SUCLG1: variants seen among roughly 807,000 people sequenced by gnomAD.
SUCLG1 encodes succinate-CoA ligase GDP/ADP-forming subunit alpha.
Under a neutral mutation model 37.3 loss-of-function variants are expected in SUCLG1, and 26 were observed. That is an observed-to-expected ratio of 0.70 (90% confidence interval 0.51 to 0.97). SUCLG1 has a LOEUF of 0.97. SUCLG1 is among the 50% of genes least tolerant of loss of function. The probability of loss-of-function intolerance (pLI) is 0.00; values close to 1 mark genes in which losing one functional copy is unlikely to be tolerated. For missense variants in SUCLG1, 433 were observed against 432.9 expected (o/e 1.00, Z 0.00); for synonymous variants, 163 against 155.6 (o/e 1.05, Z -0.36).
chr2:84,434,368 T>A (rs917742221), intron 5 of SUCLG1, among the ~76,000 whole-genome samples: 1 of 152,144 alleles, frequency 6.6e-6, no homozygotes, highest in African/African-American at 2.4e-5. Context: ...AAGGTCAAGA[T>A]CCCTCTGGAA....
intron 6 of SUCLG1, among the ~76,000 whole-genome samples, chr2:84,433,008 AT>A (rs1375179089): frequency 6.6e-6 from 1 of 152,194 alleles, no homozygotes; most frequent in African/African-American, 2.4e-5. Flanking sequence ...TTCAGTAACT[AT>A]AAAGCACTGA....
intron 1 of SUCLG1, chr2:84,458,533 AGTTTTCGGGAACGGAT>A (rs1289407755): frequency 6.6e-6 from 1 of 152,134 alleles, no homozygotes; most frequent in African/African-American, 2.4e-5. Context: ...TTGGGTACTA[AGTTTTCGGGAACGGAT>A]GTGTCCACAA....
At chr2:84,457,189 A>G (rs1040604592) in intron 1 of SUCLG1, among the ~76,000 whole-genome samples, 1 of 152,144 alleles carries the variant, frequency 6.6e-6, no homozygotes, top group Non-Finnish European at 1.5e-5. Context: ...TTAAAAAAAA[A>G]GTTTGCAAGG....
At chr2:84,427,130 T>C (rs983602704) in intron 7 of SUCLG1, among the ~76,000 whole-genome samples, 1 of 152,220 alleles carries the variant, frequency 6.6e-6, no homozygotes, top group Non-Finnish European at 1.5e-5. Context: ...TTCTGATAAA[T>C]GCTTTTGCAT....
chr2:84,434,899 C>A (rs1672663387), intron 5 of SUCLG1, among the ~76,000 whole-genome samples: 1 of 152,162 alleles, frequency 6.6e-6, no homozygotes, highest in Admixed American at 6.5e-5. Flanking sequence ...TTCTACATAC[C>A]AAATTCAAAG....
chr2:84,441,441 C>T lies in SUCLG1; in HGVS notation c.337G>A (p.Ala113Thr), dbSNP rs749557020. 6.8e-6 allele frequency: 11 copies of T among 1,614,136 alleles called. No homozygotes were observed. The highest frequency in any genetic ancestry group is 8.5e-6 in the Non-Finnish European group (10 of 1,180,034). ...GGAACATAAATGACAGAAGCCGTTG[C>T]TCCTGTCTGTTCTTTGGCCTGAAAC... ...TVKEAKEQTG[A>T]TASVIYVPPP... Residue 113 changes from alanine (A) to threonine (T), a missense_variant, in exon 4 of 9, where the codon GCA becomes ACA. Coordinates refer to ENST00000393868, the MANE Select transcript of SUCLG1 (RefSeq NM_003849.4).
chr2:84,440,874 A>G (rs1337250154), intron 5 of SUCLG1, among the ~76,000 whole-genome samples, 173 bp downstream of exon 5: 1 of 152,258 alleles, frequency 6.6e-6, no homozygotes, highest in Non-Finnish European at 1.5e-5. Context: ...GGCTTCTCAA[A>G]TAAACTCATT....
chr2:84,430,836 T>C (rs1290236973), intron 7 of SUCLG1, among the ~76,000 whole-genome samples: 3 of 152,094 alleles, frequency 2.0e-5, no homozygotes, highest in African/African-American at 4.8e-5. Context: ...ATTCACTGAG[T>C]GGGGGCTGGT....
chr2:84,450,561 AATGTCC>A (rs1404715462), intron 1 of SUCLG1, among the ~76,000 whole-genome samples: 4 of 152,182 alleles, frequency 2.6e-5, no homozygotes, highest in Non-Finnish European at 4.4e-5. Flanking sequence ...CTACCTTCTA[AATGTCC>A]ATTAATACTA....
At position 84,431,533 on chromosome 2, in the gene SUCLG1, G is replaced by C. The variant is rs771230994; in HGVS notation, c.800C>G (p.Ala267Gly). 4 of 1,613,988 alleles carry C rather than the reference G, an allele frequency of 2.5e-6. No homozygotes were observed. The highest frequency in any genetic ancestry group is 3.4e-6 in the Non-Finnish European group (4 of 1,179,908). The part of the protein sequence containing the change: ...EIGGNAEENA[A>G]EFLKQHNSGP... ...TGAATTATGTTGCTTCAAAAATTCT[G>C]CAGCATTCTCTTCTGCATTACCACC... The change falls in exon 7 of 9, where the codon GCA becomes GGA. Residue 267 changes from alanine (A) to glycine (G), a missense_variant. Physicochemically the swap from Ala to Gly is moderately conservative, Grantham distance 60. Coordinates refer to ENST00000393868, the MANE Select transcript of SUCLG1 (RefSeq NM_003849.4).
chr2:84,454,318 T>A (rs1672987334), intron 1 of SUCLG1, among the ~76,000 whole-genome samples: 1 of 152,232 alleles, frequency 6.6e-6, no homozygotes, highest in Admixed American at 6.5e-5. Flanking sequence ...TATAATACAT[T>A]TGTAAAGGCG....
intron 2 of SUCLG1, among the ~76,000 whole-genome samples, chr2:84,445,907 A>G (rs1672842655): frequency 6.6e-6 from 1 of 152,192 alleles, no homozygotes; most frequent in Non-Finnish European, 1.5e-5. Flanking sequence ...AACTCCATAT[A>G]CTGGCCTACA....
intron 5 of SUCLG1, among the ~76,000 whole-genome samples, chr2:84,434,795 T>A (rs911355512): frequency 6.6e-6 from 1 of 152,234 alleles, no homozygotes; most frequent in Admixed American, 6.5e-5. Context: ...CAAAGTGCTA[T>A]GTCACCATTA....
chr2:84,425,543 T>G lies in SUCLG1; in HGVS notation c.886A>C (p.Arg296=). 2 of 1,614,248 alleles carry G rather than the reference T, an allele frequency of 1.2e-6. No homozygotes were observed. The highest frequency in any genetic ancestry group is 8.5e-7 in the Non-Finnish European group (1 of 1,180,054). ...ATAATTGCCCCGGCATGACCCATTC[T>G]TCTCCCAGGAGGAGCAGTTAAACCA... ...IAGLTAPPGR[R]MGHAGAIIAG... Residue 296 remains arginine (R), a synonymous_variant, in exon 8 of 9, where the codon AGA becomes CGA. Transcript: ENST00000393868.
chr2:84,429,822 G>C (rs1462319654), intron 7 of SUCLG1, among the ~76,000 whole-genome samples: 1 of 152,138 alleles, frequency 6.6e-6, no homozygotes, highest in Admixed American at 6.5e-5. Flanking sequence ...GCCATAAACA[G>C]AATGGCCTAA....
intron 5 of SUCLG1, among the ~76,000 whole-genome samples, chr2:84,437,018 C>A (rs1672697559): frequency 6.6e-6 from 1 of 152,160 alleles, no homozygotes; most frequent in African/African-American, 2.4e-5. Flanking sequence ...TAATGCATAA[C>A]AAATGACAAC....
intron 2 of SUCLG1, among the ~76,000 whole-genome samples, chr2:84,446,303 T>C (rs1310553161): frequency 6.6e-6 from 1 of 152,230 alleles, no homozygotes; most frequent in South Asian, 2.1e-4. Context: ...GTAAATTCCA[T>C]GAAGACAGTG....
intron 2 of SUCLG1, among the ~76,000 whole-genome samples, chr2:84,447,986 C>A (rs1558613682): frequency 6.6e-6 from 1 of 152,076 alleles, no homozygotes; most frequent in Non-Finnish European, 1.5e-5. Flanking sequence ...GCTGCTCTGG[C>A]TCCCTAAAGT....
chr2:84,443,138 T>C (rs1303154340), intron 3 of SUCLG1, 146 bp downstream of exon 3: 1 of 788,096 alleles, frequency 1.3e-6, no homozygotes, highest in Non-Finnish European at 2.3e-6. Context: ...ACACTGGTTT[T>C]GATGGCAATT....
Sources: allele counts gnomAD v4.1 joint callset (sites outside exome capture counted in the v4.1 genomes callset), GRCh38; gene constraint gnomAD v4.1.1; transcripts MANE v1.5; gene names NCBI Gene and HGNC (gene_info 2026-07-23, HGNC 2026-07-21).